Variants in NAV1 observed in about 807,000 individuals in gnomAD.
The protein encoded by NAV1 is pore membrane and/or filament interacting like protein 3.
NAV1 carries 18 observed loss-of-function variants against 175.2 expected under a neutral mutation model. That is an observed-to-expected ratio of 0.10 (90% CI 0.07 to 0.15). The LOEUF (loss-of-function observed/expected upper bound fraction) is 0.15. Ranked by LOEUF, NAV1 falls within the 10% of genes least tolerant of loss-of-function variation. The pLI is 1.00. For missense variants in NAV1, 1,731 were observed against 2,436.6 expected (o/e 0.71, Z 6.10); for synonymous variants, 897 against 978.7 (o/e 0.92, Z 1.56).
chr1:201,604,744 AAGAG>A (rs1193587344), intron 2 of NAV1, among the ~76,000 whole-genome samples: 3 of 149,722 alleles, frequency 2.0e-5, no homozygotes, highest in Non-Finnish European at 3.0e-5. Context: ...GAAAGAAAGA[AAGAG>A]AGAGAGAGAG....
rs549051330 is a variant in NAV1, at chr1:201,635,889, C to A, written c.4+6382C>A. Reference sequence around the variant, plus strand: ...AAAAGGACACTGAAGGAGAGGTGGCCTGGTTGACAGGAATCTCTCCAGCTC... The same window carrying A: ...AAAAGGACACTGAAGGAGAGGTGGCATGGTTGACAGGAATCTCTCCAGCTC... On this transcript the variant is annotated intron_variant, in intron 2 of 29. Transcript: ENST00000367302. Among the ~76,000 whole-genome samples, 6 of 152,310 alleles carry A rather than the reference C, an allele frequency of 3.9e-5. No individual in the cohort carries two copies. In the South Asian group the frequency reaches 1.2e-3, roughly 32 times the overall value.
intron 1 of NAV1, among the ~76,000 whole-genome samples, chr1:201,705,563 A>G (rs1293474260): frequency 1.3e-5 from 2 of 152,220 alleles, no homozygotes; most frequent in Non-Finnish European, 1.5e-5. Context: ...AACTACGAGA[A>G]GCATGAGATT....
At chr1:201,607,107 AT>A (rs1571843280) in intron 2 of NAV1, among the ~76,000 whole-genome samples, 6 of 144,198 alleles carry the variant, frequency 4.2e-5, no homozygotes, top group East Asian at 2.0e-4. Flanking sequence ...TGGTCAAATA[AT>A]TTTTTTCTTT....
At chr1:201,729,948 G>T (rs945644362) in intron 3 of NAV1, among the ~76,000 whole-genome samples, 1 of 152,126 alleles carries the variant, frequency 6.6e-6, no homozygotes. Context: ...CATGCAGCAG[G>T]TGTCAGTAAA....
At chr1:201,619,320 C>T (rs1018629330), upstream of NAV1, among the ~76,000 whole-genome samples, 2 of 152,178 alleles carry the variant, frequency 1.3e-5, no homozygotes, top group African/African-American at 4.8e-5. Flanking sequence ...GGGCTGGGAG[C>T]CCAGGGATGC....
At chr1:201,611,279 C>T (rs1667838164) in intron 2 of NAV1, among the ~76,000 whole-genome samples, 1 of 152,188 alleles carries the variant, frequency 6.6e-6, no homozygotes, top group Admixed American at 6.5e-5. Context: ...AAGCCAGGGT[C>T]TACAGGCAAG....
chr1:201,790,774 C>T lies in NAV1; in HGVS notation c.3321+8C>T, dbSNP rs1677063725. 2 of 1,613,752 alleles carry T rather than the reference C, an allele frequency of 1.2e-6. No homozygotes were observed. Among genetic ancestry groups the T allele is most frequent in the Non-Finnish European group, 8.5e-7 (1 of 1,179,722 alleles). On this transcript the variant is annotated splice_region_variant and intron_variant, in intron 13 of 29. Transcript: ENST00000367296. ...TCTCAGCTTTCTGCCAATGTGAGTG[C>T]CATGAAGTACGGAAAGATCAAGGCA...
rs566243144 is a variant in NAV1, at chr1:201,699,571, G to A, written c.758-13246G>A. On this transcript the variant is annotated intron_variant, in intron 1 of 29. Coordinates refer to ENST00000367296, the Ensembl canonical transcript of NAV1. The stretch of plus-strand genomic sequence containing the variant: ...CACCAAGCTACCAATGACTTTCTTC[G>A]CAGAATTGGAAAAAACTACTTTAAA... Among the ~76,000 whole-genome samples the A allele has an allele frequency of 2.0e-3, 307 of 152,150 alleles. 2 individuals carry two copies. The highest frequency in any genetic ancestry group is 6.7e-3 in the Admixed American group (102 of 15,282).
chr1:201,684,475 CT>C lies in NAV1; in HGVS notation c.758-28325del, dbSNP rs71138346. Among the ~76,000 whole-genome samples the C allele has an allele frequency of 3.9e-3, 494 of 127,810 alleles. 3 individuals are homozygous for C. The East Asian group carries it at 0.039, about 10-fold the overall frequency. 83.8% of individuals were successfully genotyped at this position (127,810 alleles called of 152,430 possible). On this transcript the variant is annotated intron_variant, in intron 1 of 29. Transcript: ENST00000367296. ...TCTAAACTTTCTTCCTTTATGCAGC[CT>C]TTTTTTTTTTTTTTTTAGACAGAGT...
rs990304984 is a variant in NAV1 at position 201,623,622 on chromosome 1, G to A, written c.-101+16G>A. Reference sequence around the variant, plus strand: ...TCCAGTACAGGTGAGCTGGGGAGCAGGCAGGGAGGGAAGGGGGAAGAGCCA... The same window carrying A: ...TCCAGTACAGGTGAGCTGGGGAGCAAGCAGGGAGGGAAGGGGGAAGAGCCA... On this transcript the variant is annotated intron_variant, in intron 1 of 29. Coordinates refer to the NAV1 transcript ENST00000367302. 5.1e-6 allele frequency: 5 copies of A among 986,344 alleles called. No individual in the cohort carries two copies. Among genetic ancestry groups the A allele is most frequent in the East Asian group, 2.3e-4 (2 of 8,828 alleles). 61.1% of individuals were successfully genotyped at this position (986,344 alleles called of 1,614,324 possible).
At chr1:201,592,866 G>A (rs960342147) in intron 2 of NAV1, among the ~76,000 whole-genome samples, 10 of 152,096 alleles carry the variant, frequency 6.6e-5, no homozygotes, top group African/African-American at 2.2e-4. Flanking sequence ...CCAGGAGCGA[G>A]TCCAGGGAGG....
At chr1:201,641,845 C>A (rs1158555906) in intron 2 of NAV1, among the ~76,000 whole-genome samples, 1 of 152,148 alleles carries the variant, frequency 6.6e-6, no homozygotes, top group East Asian at 1.9e-4. Flanking sequence ...CTGGAGGAAG[C>A]CAAGTATGGG....
chr1:201,794,650 G>T, intron 15 of NAV1, 73 bp downstream of exon 19: 1 of 1,325,892 alleles, frequency 7.5e-7, no homozygotes, highest in Non-Finnish European at 1.1e-6. Context: ...TTTTATCTGG[G>T]CCCATAGTAT....
rs1375908860 is a variant in NAV1 at position 201,788,399 on chromosome 1, G to A, written c.2996-69G>A. On this transcript the variant is annotated intron_variant, in intron 9 of 29. Transcript: ENST00000367296. This position sits in a 1 kb window ranked among gnomAD's most constrained non-coding sequence, Gnocchi z 5.7. Reference sequence around the variant, plus strand: ...GCTCCATCCCCCAAGGGCCCGGAGAGCTGATGACCCTGCCTCTTTTCCTGC... The same window carrying A: ...GCTCCATCCCCCAAGGGCCCGGAGAACTGATGACCCTGCCTCTTTTCCTGC... 6.4e-7 allele frequency: 1 copy of A among 1,562,772 alleles called. No homozygotes were observed. The highest frequency in any genetic ancestry group is 2.2e-5 in the East Asian group (1 of 44,638).
Position 201,808,487 on chromosome 1 carries a change from G to A in NAV1, c.3915G>A (p.Lys1305=), listed in dbSNP as rs375489862. The change falls in exon 19 of 30, where the codon AAG becomes AAA. Residue 1305 remains lysine (K), a synonymous_variant. Transcript: ENST00000367296. This position sits in a 1 kb window ranked among gnomAD's most constrained non-coding sequence, Gnocchi z 5.5. ...ATGAGGAGGAGGAGCCAGAGAAGAA[G>A]GAGGTATCGGAGCTGCGCTCTGAGC... The A allele has an allele frequency of 1.3e-5, 21 of 1,614,150 alleles. No individual in the cohort carries two copies. In the Admixed American group the frequency reaches 3.3e-4, roughly 26 times the overall value.
At chr1:201,634,148 CCT>C (rs1372273234) in intron 2 of NAV1, among the ~76,000 whole-genome samples, 2 of 152,174 alleles carry the variant, frequency 1.3e-5, no homozygotes, top group East Asian at 1.9e-4. Context: ...TGTCTGTGCC[CCT>C]GTGTCCTTGG....
chr1:201,580,841 G>A (rs148734638), intron 1 of NAV1, among the ~76,000 whole-genome samples: 86 of 152,302 alleles, frequency 5.6e-4, no homozygotes, highest in Middle Eastern at 3.4e-3. Context: ...CCCTACTTGG[G>A]ATGGGGTTGG....
intron 3 of NAV1, among the ~76,000 whole-genome samples, chr1:201,746,368 C>T (rs1324440474): frequency 6.6e-6 from 1 of 152,046 alleles, no homozygotes; most frequent in East Asian, 1.9e-4. Context: ...CACACAGAGC[C>T]CTTCAGATTA....
At chr1:201,783,560 C>T (rs368653181) in exon 7 of NAV1, 2 of 1,614,176 alleles carry the variant, frequency 1.2e-6, no homozygotes, top group Non-Finnish European at 1.7e-6. Context: ...GGGCCCTCTC[C>T]CTTCCTGCTT....
Sources: gnomAD v4.1 joint callset for allele counts (sites outside exome capture counted in the v4.1 genomes callset) on GRCh38, gnomAD v4.1.1 for gene constraint, Gnocchi (gnomAD v3.1) non-coding constraint, MANE v1.5 for transcripts, NCBI Gene and HGNC (gene_info 2026-07-23, HGNC 2026-07-21) for gene names.